The following BRD7 variants were observed in gnomAD, a reference collection of about 807,000 sequenced individuals.
BRD7 encodes the protein bromodomain containing 7.
Under a neutral mutation model 82.1 loss-of-function variants are expected in BRD7, and 15 were observed. The ratio of observed to expected loss-of-function variants is 0.18; its 90% CI spans 0.12 to 0.28. The LOEUF (loss-of-function observed/expected upper bound fraction) is 0.28, where lower values mean the gene tolerates loss of function less well. BRD7 is among the 10% of genes least tolerant of loss of function. BRD7 has a pLI of 1.00. For missense variants in BRD7, 638 were observed against 779.9 expected, an observed-to-expected ratio of 0.82 and a Z score of 2.17; for synonymous variants, 232 against 266.9, an observed-to-expected ratio of 0.87 and a Z score of 1.27.
intron 7 of BRD7, among the ~76,000 whole-genome samples, chr16:50,334,094 T>C (rs1405903413): frequency 1.3e-5 from 2 of 152,272 alleles, no homozygotes; most frequent in Non-Finnish European, 2.9e-5. Flanking sequence ...ACTAGTTTAC[T>C]TTCTTTGCAT....
chr16:50,339,860 T>C (rs2037973797), intron 6 of BRD7, 116 bp downstream of exon 6: 2 of 467,284 alleles, frequency 4.3e-6, no homozygotes, highest in East Asian at 7.3e-5. Context: ...TTATTTAATA[T>C]AATATAACCT....
At chr16:50,350,286 C>T (rs941570905) in intron 4 of BRD7, 119 bp from the exon 5 acceptor site, 14 of 712,026 alleles carry the variant, frequency 2.0e-5, no homozygotes, top group African/African-American at 7.4e-5. Context: ...AATATGTTAA[C>T]ATATTTTTAA....
At chr16:50,355,615 G>A (rs1480356722) in intron 2 of BRD7, among the ~76,000 whole-genome samples, 1 of 152,184 alleles carries the variant, frequency 6.6e-6, no homozygotes, top group East Asian at 1.9e-4. Flanking sequence ...CAAAAGGGTG[G>A]TGCTGAGACA....
At position 50,316,446 on chromosome 16, in the gene BRD7, A is replaced by G. The variant is rs1461235971; in HGVS notation, c.*2765T>C. The stretch of plus-strand genomic sequence containing the variant: ...TTCTCCCCTGCCGTCCTTCAACTGT[A>G]TCTTACTTTTCTTACCAGAAAGGAA... On this transcript the variant is annotated 3_prime_UTR_variant, in exon 17 of 17. Coordinates refer to ENST00000394688, the MANE Select transcript of BRD7 (RefSeq NM_013263.5). 2 of 152,358 alleles carry G rather than the reference A, an allele frequency of 1.3e-5. No individual in the cohort carries two copies. The highest frequency in any genetic ancestry group is 2.9e-5 in the Non-Finnish European group (2 of 68,038). The allele number at this position is 152,358 out of a possible 1,614,324, so 9.4% of individuals were successfully genotyped here.
chr16:50,365,617 T>A (rs1178230489), intron 2 of BRD7, among the ~76,000 whole-genome samples: 1 of 152,106 alleles, frequency 6.6e-6, no homozygotes, highest in African/African-American at 2.4e-5. Flanking sequence ...AAGAAAAGAA[T>A]ATACTGCATC....
intron 5 of BRD7, among the ~76,000 whole-genome samples, chr16:50,341,569 G>A (rs1335087364): frequency 6.7e-6 from 1 of 148,752 alleles, no homozygotes; most frequent in African/African-American, 2.5e-5. Flanking sequence ...CTTGAACCCT[G>A]AACGTGGAGG....
In BRD7 at chr16:50,363,670, C is replaced by CGCGCGA; in HGVS notation, c.258+4419_258+4420insTCGCGC. On this transcript the variant is annotated intron_variant, in intron 2 of 16. Coordinates refer to ENST00000394688, the MANE Select transcript of BRD7 (RefSeq NM_013263.5). ...GTGTGTGTGTGTGTGTGCGCGCGCG[C>CGCGCGA]GCGTGCGCGTGTGCTTCCCCCAACT... Among the ~76,000 whole-genome samples the CGCGCGA allele has an allele frequency of 3.2e-5, 2 of 61,718 alleles. 1 individual carries two copies. The highest frequency in any genetic ancestry group is 3.9e-4 in the Admixed American group (2 of 5,194). The allele number at this position is 61,718 out of a possible 152,430, so 40.5% of individuals were successfully genotyped here. A position where few individuals can be genotyped will look rare whatever the true frequency, so the allele number is the denominator to read the frequency against.
chr16:50,350,214 A>T (rs746882958), intron 4 of BRD7, 47 bp from the exon 5 acceptor site: 10 of 1,400,326 alleles, frequency 7.1e-6, no homozygotes, highest in Non-Finnish European at 9.4e-6. Context: ...TCTATTACAA[A>T]CAAATCTATT....
intron 11 of BRD7, among the ~76,000 whole-genome samples, chr16:50,324,718 G>A (rs879876638): frequency 5.3e-5 from 8 of 152,110 alleles, no homozygotes; most frequent in Non-Finnish European, 1.0e-4. Flanking sequence ...CATCCCTCTC[G>A]TAGCCCCAGC....
At chr16:50,351,629 A>G (rs1315327706) in intron 4 of BRD7, among the ~76,000 whole-genome samples, 2 of 152,242 alleles carry the variant, frequency 1.3e-5, no homozygotes, top group East Asian at 3.8e-4. Flanking sequence ...GAATCATCCA[A>G]TCACTAAAAC....
intron 5 of BRD7, among the ~76,000 whole-genome samples, chr16:50,340,479 G>C (rs2038000863): frequency 6.6e-6 from 1 of 152,032 alleles, no homozygotes; most frequent in Non-Finnish European, 1.5e-5. Flanking sequence ...ATTACTCCTA[G>C]CTTTAAAACA....
At chr16:50,357,622 T>C (rs1035755207) in intron 2 of BRD7, among the ~76,000 whole-genome samples, 20 of 151,966 alleles carry the variant, frequency 1.3e-4, no homozygotes, top group African/African-American at 4.8e-4. Context: ...TTCTCCCAGG[T>C]AGAAAAAACT....
intron 2 of BRD7, among the ~76,000 whole-genome samples, chr16:50,357,051 A>T (rs928601123): frequency 1.3e-5 from 2 of 150,588 alleles, no homozygotes; most frequent in African/African-American, 2.5e-5. Flanking sequence ...TGCAAGAAAC[A>T]AAAATTTTAT....
At chr16:50,354,022 A>G (rs1042792585) in intron 4 of BRD7, among the ~76,000 whole-genome samples, 1 of 152,180 alleles carries the variant, frequency 6.6e-6, no homozygotes, top group Admixed American at 6.5e-5. Flanking sequence ...CATAATTCCT[A>G]TTTATGGTGT....
chr16:50,367,118 A>T (rs1165201116), intron 2 of BRD7, among the ~76,000 whole-genome samples: 1 of 152,244 alleles, frequency 6.6e-6, no homozygotes, highest in Non-Finnish European at 1.5e-5. Context: ...ATATATAAAC[A>T]TAAGAAAAAT....
rs916055100 is a variant in BRD7, at chr16:50,317,633, T to TAA, written c.*1576_*1577dup. On this transcript the variant is annotated 3_prime_UTR_variant, in exon 17 of 17. Transcript: ENST00000394688. ...TGCTCAGATAATAATAGTTTGTAAG[T>TAA]AAAAGTTTTTAGTTTTCAGTGTTCA... 13 of 152,484 alleles carry TAA rather than the reference T, an allele frequency of 8.5e-5. No individual in the cohort carries two copies. Among genetic ancestry groups the TAA allele is most frequent in the Admixed American group, 3.9e-4 (6 of 15,304 alleles). 9.4% of individuals were successfully genotyped at this position (152,484 alleles called of 1,614,324 possible).
intron 1 of BRD7, 28 bp downstream of exon 1, chr16:50,368,698 G>C (rs759781816): frequency 6.5e-7 from 1 of 1,547,912 alleles, no homozygotes; most frequent in Admixed American, 1.9e-5. Flanking sequence ...CCGAGGGCCC[G>C]CCGCCCGCAC....
intron 5 of BRD7, among the ~76,000 whole-genome samples, chr16:50,341,177 TACAC>T (rs57755008): frequency 0.013 from 1,783 of 137,240 alleles, 17 homozygotes; most frequent in East Asian, 0.028. Flanking sequence ...AGACCTTAAG[TACAC>T]ACACACACAC....
chr16:50,336,783 A>G (rs973785988), intron 6 of BRD7, among the ~76,000 whole-genome samples: 1 of 152,242 alleles, frequency 6.6e-6, no homozygotes, highest in African/African-American at 2.4e-5. Flanking sequence ...CACAAAATAA[A>G]TTCAATTAGA....
Sources: allele counts gnomAD v4.1 joint callset (sites outside exome capture counted in the v4.1 genomes callset), GRCh38; gene constraint gnomAD v4.1.1; transcripts MANE v1.5; gene names NCBI Gene and HGNC (gene_info 2026-07-23, HGNC 2026-07-21).